Variants in FAM20C observed in about 807,000 individuals in gnomAD.
The protein encoded by FAM20C is FAM20C golgi associated secretory pathway kinase, also known as extracellular serine/threonine protein kinase FAM20C.
Under a neutral mutation model 51.5 loss-of-function variants are expected in FAM20C, and 40 were observed. The ratio of observed to expected loss-of-function variants is 0.78; its 90% CI spans 0.60 to 1.01. FAM20C has a LOEUF of 1.01. FAM20C is among the 50% of genes least tolerant of loss of function. The pLI is 0.00. For missense variants in FAM20C, 861 were observed against 844.7 expected (o/e 1.02, Z -0.24); for synonymous variants, 406 against 380.6 (o/e 1.07, Z -0.78).
chr7:217,735 A>G (rs953722114), intron 3 of FAM20C, among the ~76,000 whole-genome samples: 3 of 152,108 alleles, frequency 2.0e-5, no homozygotes, highest in African/African-American at 7.2e-5. Flanking sequence ...CAATATTAAT[A>G]AGAAAGACGG....
intron 3 of FAM20C, among the ~76,000 whole-genome samples, chr7:224,375 GTCACATGGCGGCTGTCCCCTGAGCCTTCT>G (rs1787385693): frequency 4.3e-5 from 1 of 23,514 alleles, no homozygotes; most frequent in Non-Finnish European, 9.2e-5. Context: ...CTGTCACGGG[GTCACATGGCGGCTGTCCCCTGAGCCTTCT>G]CTCACTGAGC....
intron 3 of FAM20C, among the ~76,000 whole-genome samples, chr7:223,437 G>A (rs374523848): frequency 1.3e-4 from 20 of 152,350 alleles, no homozygotes; most frequent in Non-Finnish European, 1.0e-4. Flanking sequence ...CAAGGAGCCC[G>A]TCTGTCTCGC....
At chr7:257,110 C>T (rs1306810705) in intron 8 of FAM20C, 24 bp downstream of exon 8, 10 of 1,535,380 alleles carry the variant, frequency 6.5e-6, no homozygotes, top group Non-Finnish European at 7.9e-6. Flanking sequence ...CGCCCCTGCA[C>T]ACCCAGGGAA....
chr7:207,601 A>G (rs997749924), intron 2 of FAM20C, among the ~76,000 whole-genome samples: 5 of 152,018 alleles, frequency 3.3e-5, no homozygotes, highest in Non-Finnish European at 7.4e-5. Context: ...ATGCCACCCC[A>G]CCACGTTCCA....
chr7:226,627 C>T (rs1021971994), intron 3 of FAM20C, among the ~76,000 whole-genome samples: 1 of 152,176 alleles, frequency 6.6e-6, no homozygotes, highest in Non-Finnish European at 1.5e-5. Flanking sequence ...CACAGGCGGC[C>T]GCTCCACCCC....
At position 204,828 on chromosome 7, in the gene FAM20C, G is replaced by A. The variant is rs572752372; in HGVS notation, c.785-4070G>A. 8.1e-4 allele frequency among the ~76,000 whole-genome samples: 123 copies of A among 152,262 alleles called. 1 individual carries two copies. The highest frequency in any genetic ancestry group is 1.5e-3 in the Non-Finnish European group (102 of 68,016). On this transcript the variant is annotated intron_variant, in intron 2 of 9. Coordinates refer to ENST00000313766, the MANE Select transcript of FAM20C (RefSeq NM_020223.4). ...CTTCGCTGTGCTGTGTCCCCACACTGCCGCTGTTCTCAGTGTTCAGGGAGG... is the reference window on the plus strand; with the variant it reads ...CTTCGCTGTGCTGTGTCCCCACACTACCGCTGTTCTCAGTGTTCAGGGAGG...
At chr7:218,264 G>A (rs553364021) in intron 3 of FAM20C, among the ~76,000 whole-genome samples, 3 of 152,222 alleles carry the variant, frequency 2.0e-5, no homozygotes, top group Non-Finnish European at 2.9e-5. Context: ...GGGCCTTTCC[G>A]GCAGCTCCTC....
Position 236,316 on chromosome 7 carries a change from C to T in FAM20C, c.864-10099C>T, listed in dbSNP as rs1174745673. Among the ~76,000 whole-genome samples the T allele has an allele frequency of 2.0e-5, 3 of 152,206 alleles. No homozygotes were observed. The East Asian group carries it at 5.8e-4, about 29-fold the overall frequency. ...ACCTTGCAGGTGCAGGGAGAAACATCCCAGTCTTCCCAGGCTGTCCAGCAC... is the reference window on the plus strand; with the variant it reads ...ACCTTGCAGGTGCAGGGAGAAACATTCCAGTCTTCCCAGGCTGTCCAGCAC... On this transcript the variant is annotated intron_variant, in intron 3 of 9. Transcript: ENST00000313766.
intron 1 of FAM20C, 200 bp from the exon 2 acceptor site, chr7:195,354 C>T (rs559557622): frequency 3.3e-5 from 15 of 451,990 alleles, no homozygotes; most frequent in East Asian, 2.4e-4. Flanking sequence ...GGCCTTTCAC[C>T]GTGTTATTAG....
rs903296263 is a variant in FAM20C at position 206,485 on chromosome 7, G to A, written c.785-2413G>A. Among the ~76,000 whole-genome samples, 24 of 151,556 alleles carry A rather than the reference G, an allele frequency of 1.6e-4. 2 individuals are homozygous for A. The highest frequency in any genetic ancestry group is 3.9e-4 in the African/African-American group (16 of 41,206). On this transcript the variant is annotated intron_variant, in intron 2 of 9. Coordinates refer to ENST00000313766, the MANE Select transcript of FAM20C (RefSeq NM_020223.4). The stretch of plus-strand genomic sequence containing the variant: ...GTGATGCGTTGGCCCTGGTCCCCTC[G>A]GCCCTGCACACGTGTCCACTGTGAC...
chr7:209,835 C>G (rs1456562254), intron 3 of FAM20C, among the ~76,000 whole-genome samples: 1 of 152,226 alleles, frequency 6.6e-6, no homozygotes, highest in Non-Finnish European at 1.5e-5. Flanking sequence ...GCAGGTAAAA[C>G]AAAATATAGC....
rs1788157961 is a variant in FAM20C at position 246,336 on chromosome 7, C to G, written c.864-79C>G. ...CCACCGCATTTTTCATATGAGGAACCCAGCACGTCCCGCCTGCCTCCGGCC... is the reference window on the plus strand; with the variant it reads ...CCACCGCATTTTTCATATGAGGAACGCAGCACGTCCCGCCTGCCTCCGGCC... On this transcript the variant is annotated intron_variant, in intron 3 of 9. Coordinates refer to ENST00000313766, the MANE Select transcript of FAM20C (RefSeq NM_020223.4). The G allele has an allele frequency of 4.9e-6, 6 of 1,216,436 alleles. 1 individual carries two copies. The South Asian group carries it at 7.7e-5, about 16-fold the overall frequency. The allele number at this position is 1,216,436 out of a possible 1,614,324, so 75.4% of individuals were successfully genotyped here.
At chr7:229,558 G>A (rs1787579919) in intron 3 of FAM20C, 2 of 152,486 alleles carry the variant, frequency 1.3e-5, no homozygotes, top group Non-Finnish European at 2.9e-5. Flanking sequence ...AATGACAGAT[G>A]GGGGATGAGC....
intron 8 of FAM20C, 133 bp downstream of exon 8, chr7:257,219 T>C (rs1788622438): frequency 1.1e-6 from 1 of 925,646 alleles, no homozygotes; most frequent in Non-Finnish European, 1.6e-6. Flanking sequence ...CAAAGGCCCA[T>C]CTCAGAGCCA....
intron 6 of FAM20C, chr7:256,240 C>T (rs1297871947): frequency 5.4e-5 from 37 of 682,994 alleles, no homozygotes; most frequent in East Asian, 4.2e-4. Context: ...TTCCCTGACC[C>T]GGGCCGGCCT....
intron 3 of FAM20C, among the ~76,000 whole-genome samples, chr7:210,663 G>C (rs79032629): frequency 0.067 from 10,246 of 152,172 alleles, 376 homozygotes; most frequent in African/African-American, 0.08. Context: ...CCCCTGGAGG[G>C]GTGGCCCCGT....
At chr7:222,600 C>A (rs1485983410) in intron 3 of FAM20C, among the ~76,000 whole-genome samples, 2 of 152,120 alleles carry the variant, frequency 1.3e-5, no homozygotes, top group African/African-American at 4.8e-5. Context: ...GGTGAAGGGA[C>A]AGGCCCTGAG....
intron 2 of FAM20C, among the ~76,000 whole-genome samples, chr7:203,923 A>C (rs1786237280): frequency 6.6e-6 from 1 of 152,244 alleles, no homozygotes; most frequent in African/African-American, 2.4e-5. Context: ...TGGGGGCATC[A>C]AATGGGGCTT....
intron 3 of FAM20C, among the ~76,000 whole-genome samples, chr7:220,225 G>T (rs1347670675): frequency 6.6e-6 from 1 of 152,188 alleles, no homozygotes; most frequent in Non-Finnish European, 1.5e-5. Context: ...TGGCCTCCTG[G>T]GTCCTGCCTG....
Sources: allele counts gnomAD v4.1 joint callset (sites outside exome capture counted in the v4.1 genomes callset), GRCh38; gene constraint gnomAD v4.1.1; transcripts MANE v1.5; gene names NCBI Gene and HGNC (gene_info 2026-07-23, HGNC 2026-07-21).